The following MTMR14 variants were observed in gnomAD, a reference collection of about 807,000 sequenced individuals.
MTMR14 encodes myotubularin related protein 14.
Under a neutral mutation model 86.3 loss-of-function variants are expected in MTMR14, and 48 were observed. That is an observed-to-expected ratio of 0.56 (90% CI 0.44 to 0.71). The LOEUF (loss-of-function observed/expected upper bound fraction) is 0.71. Among genes scored for constraint, MTMR14 ranks in the 30% least tolerant of loss-of-function variants. The pLI, the probability that MTMR14 is intolerant of heterozygous loss-of-function variation, is 0.00. For synonymous variants in MTMR14, 366 were observed against 326.1 expected (o/e 1.12, Z -1.32); for missense variants, 780 against 834.6 (o/e 0.93, Z 0.81).
rs993417750 is a variant in MTMR14, at chr3:9,669,478, G to A, written c.540G>A (p.Glu180=). ...CAGATGTGGAGGACGTCACGGAGGA[G>A]GACTGTGCTCTTCGGTCAGTGCTGG... The part of the protein sequence containing the change: ...AWADVEDVTE[E]DCALRSGDTH... The change falls in exon 5 of 19, where the codon GAG becomes GAA. Residue 180 remains glutamate, a synonymous_variant. Coordinates refer to ENST00000296003, the MANE Select transcript of MTMR14 (RefSeq NM_001077525.3). The A allele has an allele frequency of 3.1e-6, 5 of 1,613,566 alleles. No individual in the cohort carries two copies. The highest frequency in any genetic ancestry group is 1.3e-5 in the African/African-American group (1 of 74,932).
chr3:9,649,508 T>C lies in MTMR14; in HGVS notation c.-76T>C. ...GCGGTGGCTGAGGCGGTTCCGGAGGTTCTAGTGTCGGAGTTGGGTGCAGGC... is the reference window on the plus strand; with the variant it reads ...GCGGTGGCTGAGGCGGTTCCGGAGGCTCTAGTGTCGGAGTTGGGTGCAGGC... On this transcript the variant is annotated 5_prime_UTR_variant, in exon 1 of 19. Coordinates refer to ENST00000296003, the MANE Select transcript of MTMR14 (RefSeq NM_001077525.3). 2 of 1,475,148 alleles carry C rather than the reference T, an allele frequency of 1.4e-6. No individual in the cohort carries two copies. The allele number at this position is 1,475,148 out of a possible 1,614,324, so 91.4% of individuals were successfully genotyped here. A position where few individuals can be genotyped will look rare whatever the true frequency, so the allele number is the denominator to read the frequency against.
chr3:9,675,611 C>T (rs896611893), intron 7 of MTMR14: 11 of 457,304 alleles, frequency 2.4e-5, no homozygotes, highest in South Asian at 1.7e-4. Context: ...GTGAATGGCA[C>T]TTCTCATCCT....
At chr3:9,673,941 G>A (rs1384141860) in intron 7 of MTMR14, among the ~76,000 whole-genome samples, 3 of 152,232 alleles carry the variant, frequency 2.0e-5, no homozygotes, top group East Asian at 1.9e-4. Context: ...TGGTGATGAT[G>A]TTGATGATGG....
intron 3 of MTMR14, among the ~76,000 whole-genome samples, chr3:9,663,391 T>G (rs891676904): frequency 1.3e-5 from 2 of 151,758 alleles, no homozygotes; most frequent in African/African-American, 4.8e-5. Context: ...AAAGTATGTA[T>G]GGAAGTTAGG....
At chr3:9,688,618 A>G (rs2076038258) in intron 14 of MTMR14, 78 bp from the exon 15 acceptor site, 1 of 1,550,896 alleles carries the variant, frequency 6.4e-7, no homozygotes, top group African/African-American at 1.4e-5. Flanking sequence ...GCTTTCCAGG[A>G]CAGGCAGGAT....
intron 2 of MTMR14, among the ~76,000 whole-genome samples, chr3:9,655,156 C>A (rs185603501): frequency 2.0e-5 from 3 of 152,160 alleles, no homozygotes; most frequent in Admixed American, 2.0e-4. Flanking sequence ...CACCTGAGGT[C>A]AGGAGTTTGA....
intron 4 of MTMR14, 93 bp downstream of exon 4, chr3:9,668,887 C>G: frequency 7.5e-7 from 1 of 1,330,512 alleles, no homozygotes; most frequent in Non-Finnish European, 1.1e-6. Flanking sequence ...CGCCTGTAAT[C>G]TCAACACTTT....
intron 17 of MTMR14, among the ~76,000 whole-genome samples, chr3:9,696,365 A>G (rs2076282236): frequency 6.6e-6 from 1 of 152,120 alleles, no homozygotes; most frequent in Non-Finnish European, 1.5e-5. Flanking sequence ...TTAGCCGGGC[A>G]TGGTGGCGGG....
In MTMR14 at chr3:9,680,270, T is replaced by A. The variant is rs528417910; in HGVS notation, c.897+2212T>A. Among the ~76,000 whole-genome samples, 256 of 152,320 alleles carry A rather than the reference T, an allele frequency of 1.7e-3. 1 individual carries two copies. The highest frequency in any genetic ancestry group is 3.1e-3 in the Non-Finnish European group (208 of 68,024). ...CTCTAGTCTCTGCCCCTAGTGCAACTGCAATCCTTCTTGCCCTCGTCTCCT... is the reference window on the plus strand; with the variant it reads ...CTCTAGTCTCTGCCCCTAGTGCAACAGCAATCCTTCTTGCCCTCGTCTCCT... On this transcript the variant is annotated intron_variant, in intron 9 of 18. Coordinates refer to ENST00000296003, the MANE Select transcript of MTMR14 (RefSeq NM_001077525.3).
chr3:9,680,816 G>A (rs534967849), intron 9 of MTMR14, among the ~76,000 whole-genome samples: 28 of 152,146 alleles, frequency 1.8e-4, no homozygotes, highest in Non-Finnish European at 3.1e-4. Context: ...CAGCCTGGGC[G>A]ACAGAGCGAG....
intron 18 of MTMR14, among the ~76,000 whole-genome samples, chr3:9,698,861 G>C (rs1484868036): frequency 6.6e-6 from 1 of 151,582 alleles, no homozygotes; most frequent in Non-Finnish European, 1.5e-5. Flanking sequence ...TTAGATGTTC[G>C]AAGGCTTAAA....
At chr3:9,659,922 G>A (rs1364350585) in intron 2 of MTMR14, 1 of 439,080 alleles carries the variant, frequency 2.3e-6, no homozygotes, top group Non-Finnish European at 4.6e-6. Flanking sequence ...AATCCACCTT[G>A]GTTTTGAGGC....
At chr3:9,651,519 C>A (rs1440811049) in intron 1 of MTMR14, among the ~76,000 whole-genome samples, 1 of 152,040 alleles carries the variant, frequency 6.6e-6, no homozygotes, top group South Asian at 2.1e-4. Flanking sequence ...CTGCGGCTGG[C>A]CTTAATTATC....
In MTMR14 at chr3:9,701,927, T is replaced by G. The variant is rs772311516; in HGVS notation, c.1907T>G (p.Phe636Cys). 1 of 1,614,218 alleles carries G rather than the reference T, an allele frequency of 6.2e-7. No individual in the cohort carries two copies. The highest frequency in any genetic ancestry group is 1.3e-5 in the African/African-American group (1 of 75,068). Residue 636 changes from phenylalanine to cysteine, a missense_variant, in exon 19 of 19, where the codon TTT becomes TGT. Transcript: ENST00000296003. This position sits in a 1 kb window ranked among gnomAD's most constrained non-coding sequence, Gnocchi z 4.2. ...SGAIGGLLEQ[F>C]ARGVGLRSIS... ...GCCATCGGGGGCCTGCTGGAGCAAT[T>G]TGCCCGTGGTGTTGGACTCCGGAGC...
chr3:9,681,136 G>C (rs2075755163), intron 9 of MTMR14, among the ~76,000 whole-genome samples: 1 of 152,222 alleles, frequency 6.6e-6, no homozygotes, highest in Non-Finnish European at 1.5e-5. Context: ...CTGGTGCCAG[G>C]CCCTTCAGGA....
intron 2 of MTMR14, chr3:9,659,882 G>GTAA (rs2047826779): frequency 4.4e-6 from 2 of 454,918 alleles, no homozygotes; most frequent in Non-Finnish European, 8.9e-6. Flanking sequence ...TGTTTTGTTT[G>GTAA]TTTGTTTTTA....
intron 5 of MTMR14, 132 bp from the exon 6 acceptor site, chr3:9,670,916 C>T: frequency 8.8e-7 from 1 of 1,136,270 alleles, no homozygotes; most frequent in Non-Finnish European, 1.3e-6. Context: ...GTTTGGCACC[C>T]ATGCGTCCAC....
intron 3 of MTMR14, among the ~76,000 whole-genome samples, chr3:9,666,076 G>A (rs1350555714): frequency 6.8e-6 from 1 of 147,280 alleles, no homozygotes; most frequent in Non-Finnish European, 1.5e-5. Flanking sequence ...GTTTGTTGTT[G>A]TTAAAAACAA....
chr3:9,657,650 A>G (rs2047686802), intron 2 of MTMR14, among the ~76,000 whole-genome samples: 1 of 151,938 alleles, frequency 6.6e-6, no homozygotes, highest in African/African-American at 2.4e-5. Flanking sequence ...GCTCAGGTTC[A>G]AGTGATTCTC....
Sources: gnomAD v4.1 joint callset for allele counts (sites outside exome capture counted in the v4.1 genomes callset) on GRCh38, gnomAD v4.1.1 for gene constraint, Gnocchi (gnomAD v3.1) non-coding constraint, MANE v1.5 for transcripts, NCBI Gene and HGNC (gene_info 2026-07-23, HGNC 2026-07-21) for gene names.